GRIN2B: variants seen among roughly 807,000 people sequenced by gnomAD.
GRIN2B encodes glutamate receptor ionotropic, NMDA 2B.
A neutral mutation model predicts 114.5 loss-of-function variants in GRIN2B; 5 were observed. The observed-to-expected ratio is 0.04, with a 90% CI of 0.02 to 0.09. The LOEUF (loss-of-function observed/expected upper bound fraction) is 0.09, where lower values mean the gene tolerates loss of function less well. Ranked by LOEUF, GRIN2B falls within the 10% of genes least tolerant of loss-of-function variation. The probability of loss-of-function intolerance (pLI) is 1.00; values close to 1 mark genes in which losing one functional copy is unlikely to be tolerated. For missense variants in GRIN2B, 1,108 were observed against 1,943.5 expected (o/e 0.57, Z 8.08); for synonymous variants, 787 against 745.1 (o/e 1.06, Z -0.92).
intron 4 of GRIN2B, among the ~76,000 whole-genome samples, chr12:13,707,452 G>A (rs1241546778): frequency 6.6e-6 from 1 of 152,092 alleles, no homozygotes; most frequent in Non-Finnish European, 1.5e-5. Flanking sequence ...ATAAACAGAG[G>A]TAGATACTCA....
At chr12:13,773,363 G>A (rs1365350412) in intron 3 of GRIN2B, among the ~76,000 whole-genome samples, 1 of 152,212 alleles carries the variant, frequency 6.6e-6, no homozygotes, top group Non-Finnish European at 1.5e-5. Context: ...TCTCAGATCT[G>A]TACATGCAGA....
intron 3 of GRIN2B, among the ~76,000 whole-genome samples, chr12:13,832,259 G>C (rs535778728): frequency 6.6e-6 from 1 of 152,186 alleles, no homozygotes; most frequent in Admixed American, 6.5e-5. Flanking sequence ...TACATCATCT[G>C]TGCTACTTTT....
intron 3 of GRIN2B, among the ~76,000 whole-genome samples, chr12:13,756,362 AC>A (rs1269498607): frequency 6.6e-6 from 1 of 152,208 alleles, no homozygotes; most frequent in Non-Finnish European, 1.5e-5. Flanking sequence ...GCCTGAAAGG[AC>A]TGAGACAAGT....
At chr12:13,687,530 C>T (rs929017724) in intron 4 of GRIN2B, among the ~76,000 whole-genome samples, 1 of 152,132 alleles carries the variant, frequency 6.6e-6, no homozygotes, top group African/African-American at 2.4e-5. Flanking sequence ...ATCATAGGTT[C>T]CACCAATTCC....
chr12:13,947,956 T>C (rs779397383), intron 2 of GRIN2B, among the ~76,000 whole-genome samples: 15 of 152,164 alleles, frequency 9.9e-5, no homozygotes, highest in Non-Finnish European at 1.9e-4. Flanking sequence ...CTGAAATTGT[T>C]CTTTCACTCT....
At chr12:13,898,331 G>C (rs1035164285) in intron 2 of GRIN2B, among the ~76,000 whole-genome samples, 1 of 152,218 alleles carries the variant, frequency 6.6e-6, no homozygotes, top group Non-Finnish European at 1.5e-5. Context: ...CCACTATGCT[G>C]TGTGATTTAC....
intron 5 of GRIN2B, among the ~76,000 whole-genome samples, chr12:13,659,403 G>A (rs1266865351): frequency 2.6e-5 from 4 of 152,046 alleles, no homozygotes; most frequent in South Asian, 4.2e-4. Context: ...AGATGACTGC[G>A]GCATTCCTGC....
intron 4 of GRIN2B, among the ~76,000 whole-genome samples, chr12:13,678,296 G>A (rs1397461318): frequency 6.6e-6 from 1 of 152,094 alleles, no homozygotes; most frequent in African/African-American, 2.4e-5. Context: ...GTCCTTGTAT[G>A]TAAGTTTCCC....
intron 2 of GRIN2B, among the ~76,000 whole-genome samples, chr12:13,940,090 C>T (rs1285314902): frequency 6.6e-6 from 1 of 152,182 alleles, no homozygotes; most frequent in South Asian, 2.1e-4. Context: ...GATTCTATTG[C>T]TAATTTTTAC....
At chr12:13,903,798 ACCT>A (rs1420183158) in intron 2 of GRIN2B, among the ~76,000 whole-genome samples, 3 of 151,452 alleles carry the variant, frequency 2.0e-5, no homozygotes, top group East Asian at 1.9e-4. Flanking sequence ...TATTTTTAAA[ACCT>A]CCTATCATAA....
chr12:13,747,627 G>C (rs1402974242), intron 4 of GRIN2B, among the ~76,000 whole-genome samples: 1 of 152,012 alleles, frequency 6.6e-6, no homozygotes, highest in Non-Finnish European at 1.5e-5. Flanking sequence ...TTAGACTCTG[G>C]TGCACTTCTT....
chr12:13,829,081 G>A (rs992771833), intron 3 of GRIN2B, among the ~76,000 whole-genome samples: 12 of 152,100 alleles, frequency 7.9e-5, no homozygotes, highest in Non-Finnish European at 1.8e-4. Flanking sequence ...CATAGAAGAG[G>A]CCATCACATA....
At chr12:13,746,478 G>C (rs1030644497) in intron 4 of GRIN2B, among the ~76,000 whole-genome samples, 1 of 151,986 alleles carries the variant, frequency 6.6e-6, no homozygotes, top group African/African-American at 2.4e-5. Context: ...CCTTCCCATA[G>C]ACCATATTCC....
At chr12:13,656,391 G>A (rs1591661435) in intron 5 of GRIN2B, among the ~76,000 whole-genome samples, 1 of 152,136 alleles carries the variant, frequency 6.6e-6, no homozygotes, top group African/African-American at 2.4e-5. Flanking sequence ...TGTTCTGTGT[G>A]CACGTAACCA....
chr12:13,601,654 T>C (rs1023915064), intron 10 of GRIN2B, among the ~76,000 whole-genome samples: 2 of 151,676 alleles, frequency 1.3e-5, no homozygotes, highest in African/African-American at 4.8e-5. Flanking sequence ...AGGAATACAG[T>C]GTTAGAAGTC....
intron 4 of GRIN2B, among the ~76,000 whole-genome samples, chr12:13,716,791 G>A (rs2268115): frequency 3.3e-5 from 5 of 151,596 alleles, no homozygotes; most frequent in Non-Finnish European, 1.5e-5. Context: ...CATTCCTGTC[G>A]TGTCCACATA....
At chr12:13,677,580 C>G (rs1400247528) in intron 4 of GRIN2B, among the ~76,000 whole-genome samples, 2 of 152,094 alleles carry the variant, frequency 1.3e-5, no homozygotes, top group East Asian at 1.9e-4. Context: ...AATCAACTAG[C>G]CTACCACTTC....
At position 13,562,822 on chromosome 12, in the gene GRIN2B, A is replaced by G; in HGVS notation, c.4416T>C (p.His1472=). The G allele has an allele frequency of 6.2e-7, 1 of 1,614,196 alleles. No homozygotes were observed. The highest frequency in any genetic ancestry group is 1.1e-5 in the South Asian group (1 of 91,078). Reference sequence around the variant, plus strand: ...CAATACTAGAAAGTTTCTCATAAACATGCCCATTGCTGGAGCCATTGAAAG... The same window carrying G: ...CAATACTAGAAAGTTTCTCATAAACGTGCCCATTGCTGGAGCCATTGAAAG... The part of the protein sequence containing the change: ...PRAFNGSSNG[H]VYEKLSSIES... The change falls in exon 14 of 14, where the codon CAT becomes CAC. Residue 1472 remains histidine (H), a synonymous_variant. Transcript: ENST00000609686.
chr12:13,571,611 T>A (rs1948709851), intron 11 of GRIN2B, among the ~76,000 whole-genome samples, 193 bp downstream of exon 11: 1 of 152,226 alleles, frequency 6.6e-6, no homozygotes, highest in Admixed American at 6.5e-5. Context: ...ATAGAAGTAA[T>A]AGCATAGGAA....
Sources: gnomAD v4.1 joint callset for allele counts (sites outside exome capture counted in the v4.1 genomes callset) on GRCh38, gnomAD v4.1.1 for gene constraint, MANE v1.5 for transcripts, NCBI Gene and HGNC (gene_info 2026-07-23, HGNC 2026-07-21) for gene names.